CDH12: variants seen among roughly 807,000 people sequenced by gnomAD.
CDH12 encodes cadherin-12.
Under a neutral mutation model 74.1 loss-of-function variants are expected in CDH12, and 41 were observed. That is an observed-to-expected ratio of 0.55 (90% CI 0.43 to 0.72). The LOEUF is 0.72. Ranked by LOEUF, CDH12 falls within the 30% of genes least tolerant of loss-of-function variation. The pLI, the probability that CDH12 is intolerant of heterozygous loss-of-function variation, is 0.00. For missense variants in CDH12, 945 were observed against 977.2 expected (o/e 0.97, Z 0.44); for synonymous variants, 399 against 355.0 (o/e 1.12, Z -1.39).
intron 8 of CDH12, among the ~76,000 whole-genome samples, chr5:21,825,376 T>C (rs1354430535): frequency 6.6e-6 from 1 of 152,120 alleles, no homozygotes; most frequent in Non-Finnish European, 1.5e-5. Context: ...CATCTCCACT[T>C]TTTCTTCTTA....
chr5:21,786,650 T>G (rs1746215387), intron 10 of CDH12, among the ~76,000 whole-genome samples: 2 of 152,226 alleles, frequency 1.3e-5, no homozygotes, highest in African/African-American at 4.8e-5. Flanking sequence ...AATGTAATTT[T>G]GACTTTCAAG....
At chr5:22,371,498 T>C (rs1424458787) in intron 3 of CDH12, among the ~76,000 whole-genome samples, 2 of 152,144 alleles carry the variant, frequency 1.3e-5, no homozygotes, top group Non-Finnish European at 2.9e-5. Context: ...TGAGATGTTA[T>C]TTTCCAAAAA....
intron 2 of CDH12, among the ~76,000 whole-genome samples, chr5:22,458,587 G>A (rs1438732233): frequency 6.6e-6 from 1 of 152,148 alleles, no homozygotes; most frequent in African/African-American, 2.4e-5. Context: ...ATTTCATTAT[G>A]ACACAATTTC....
intron 3 of CDH12, among the ~76,000 whole-genome samples, chr5:22,238,131 C>G (rs1422719738): frequency 6.6e-6 from 1 of 152,172 alleles, no homozygotes; most frequent in Non-Finnish European, 1.5e-5. Flanking sequence ...AACAGACCAA[C>G]CCTCCAGGCA....
In CDH12 at chr5:22,824,865, T is replaced by A. The variant is rs1373959346; in HGVS notation, c.-523+28193A>T. On this transcript the variant is annotated intron_variant, in intron 1 of 14. Transcript: ENST00000382254. ...TGCATATCCAAAATTAATATATATGTGTGTCCAAAATTTATATATATATGT... is the reference window on the plus strand; with the variant it reads ...TGCATATCCAAAATTAATATATATGAGTGTCCAAAATTTATATATATATGT... Among the ~76,000 whole-genome samples, 4 of 151,926 alleles carry A rather than the reference T, an allele frequency of 2.6e-5. No individual in the cohort carries two copies. The East Asian group carries it at 5.8e-4, about 22-fold the overall frequency.
At chr5:21,886,669 A>C (rs533565409) in intron 6 of CDH12, among the ~76,000 whole-genome samples, 1 of 150,688 alleles carries the variant, frequency 6.6e-6, no homozygotes, top group Admixed American at 6.6e-5. Context: ...CATGTCTTCA[A>C]ATATTACACA....
intron 5 of CDH12, among the ~76,000 whole-genome samples, chr5:22,074,717 C>T (rs1196400912): frequency 6.6e-6 from 1 of 152,140 alleles, no homozygotes. Flanking sequence ...AAATGCTCAT[C>T]ATCACTGGCC....
intron 4 of CDH12, among the ~76,000 whole-genome samples, chr5:22,159,505 T>C (rs1167636789): frequency 6.6e-6 from 1 of 152,188 alleles, no homozygotes; most frequent in South Asian, 2.1e-4. Context: ...TAATTATAGC[T>C]TACATGGTTC....
intron 1 of CDH12, among the ~76,000 whole-genome samples, chr5:22,806,920 G>A (rs866500692): frequency 4.6e-5 from 7 of 152,254 alleles, no homozygotes; most frequent in Middle Eastern, 6.8e-3. Context: ...CATTCTGTAA[G>A]TTGCCTAGTA....
intron 8 of CDH12, among the ~76,000 whole-genome samples, chr5:21,825,026 T>A (rs1447989615): frequency 6.6e-6 from 1 of 151,818 alleles, no homozygotes; most frequent in Non-Finnish European, 1.5e-5. Context: ...TGGTAGTGTG[T>A]GCCCGTAATC....
chr5:22,173,166 G>T (rs1012417186), intron 4 of CDH12, among the ~76,000 whole-genome samples: 6 of 150,202 alleles, frequency 4.0e-5, no homozygotes, highest in African/African-American at 1.5e-4. Context: ...TGGTAGTGGT[G>T]GTGGCCTGTG....
chr5:22,401,664 C>A (rs1742734865), intron 3 of CDH12, among the ~76,000 whole-genome samples: 1 of 152,050 alleles, frequency 6.6e-6, no homozygotes, highest in Non-Finnish European at 1.5e-5. Flanking sequence ...TGAATACTGA[C>A]CTCTTTCAAA....
chr5:22,474,960 C>G (rs1580687314), intron 2 of CDH12, among the ~76,000 whole-genome samples: 1 of 151,766 alleles, frequency 6.6e-6, no homozygotes, highest in East Asian at 1.9e-4. Context: ...ACCTTTATAA[C>G]AGCTCTGAAG....
At chr5:22,139,866 T>C (rs1198974458) in intron 4 of CDH12, among the ~76,000 whole-genome samples, 3 of 152,150 alleles carry the variant, frequency 2.0e-5, no homozygotes, top group Non-Finnish European at 4.4e-5. Flanking sequence ...TTCATAGATA[T>C]GAGAGATTGT....
chr5:22,325,765 G>T (rs930541962), intron 3 of CDH12, among the ~76,000 whole-genome samples: 1 of 151,868 alleles, frequency 6.6e-6, no homozygotes, highest in Non-Finnish European at 1.5e-5. Context: ...AAAATTAGCC[G>T]GGCGTGGTAG....
chr5:22,570,089 T>C (rs1204105061), intron 1 of CDH12, among the ~76,000 whole-genome samples: 1 of 152,064 alleles, frequency 6.6e-6, no homozygotes, highest in East Asian at 1.9e-4. Context: ...CGAGTCTCGC[T>C]GCGATGCCCA....
At position 21,798,249 on chromosome 5, in the gene CDH12, A is replaced by ATGTG. The variant is rs55704091; in HGVS notation, c.1256+3914_1256+3917dup. ...AACAAATATTTGAATGTATATGTGGATGTGTGTGTGTGTGTGTGTGTGTGT... is the reference window on the plus strand; with the variant it reads ...AACAAATATTTGAATGTATATGTGGATGTGTGTGTGTGTGTGTGTGTGTGTGTGT... On this transcript the variant is annotated intron_variant, in intron 10 of 14. Transcript: ENST00000382254. 7.1e-3 allele frequency among the ~76,000 whole-genome samples: 1,059 copies of ATGTG among 148,890 alleles called. 11 individuals are homozygous for ATGTG. Among genetic ancestry groups the ATGTG allele is most frequent in the African/African-American group, 0.021 (860 of 40,400 alleles).
chr5:22,812,362 T>A (rs1352827400), intron 1 of CDH12, among the ~76,000 whole-genome samples: 1 of 152,188 alleles, frequency 6.6e-6, no homozygotes, highest in Non-Finnish European at 1.5e-5. Context: ...ACTACCACCC[T>A]GTCCGTCTCC....
chr5:22,568,360 G>A (rs754405442), intron 1 of CDH12, among the ~76,000 whole-genome samples: 1 of 152,172 alleles, frequency 6.6e-6, no homozygotes, highest in African/African-American at 2.4e-5. Flanking sequence ...TGATATATAT[G>A]TAGAAAAAGA....
Sources: gnomAD v4.1 joint callset for allele counts (sites outside exome capture counted in the v4.1 genomes callset) on GRCh38, gnomAD v4.1.1 for gene constraint, MANE v1.5 for transcripts, NCBI Gene and HGNC (gene_info 2026-07-23, HGNC 2026-07-21) for gene names.